The following CELA3A variants were observed in gnomAD, a reference collection of about 807,000 sequenced individuals.
CELA3A encodes the protein chymotrypsin-like elastase family member 3A.
In CELA3A, 35 loss-of-function variants were observed where a neutral mutation model predicts 38.6. The observed-to-expected ratio is 0.91, with a 90% CI of 0.69 to 1.20. The LOEUF (loss-of-function observed/expected upper bound fraction) is 1.20, where lower values mean the gene tolerates loss of function less well. Among genes scored for constraint, CELA3A ranks in the 50% most tolerant of loss-of-function variants. CELA3A has a pLI of 0.00. For missense variants in CELA3A, 343 were observed against 354.2 expected (o/e 0.97, Z 0.25); for synonymous variants, 143 against 136.7 (o/e 1.05, Z -0.32).
chr1:22,010,529 T>G (rs146105836), intron 7 of CELA3A: 1 of 207,390 alleles, frequency 4.8e-6, no homozygotes, highest in Admixed American at 5.6e-5. Context: ...AGGCAGAGAA[T>G]TGCTTGAACC....
intron 2 of CELA3A, among the ~76,000 whole-genome samples, chr1:22,004,686 T>C (rs1272555893): frequency 6.6e-6 from 1 of 151,772 alleles, no homozygotes; most frequent in African/African-American, 2.4e-5. Context: ...TTGCTAACCC[T>C]GGTCTAGATG....
At chr1:22,009,234 G>A (rs1644969328) in intron 6 of CELA3A, among the ~76,000 whole-genome samples, 1 of 151,352 alleles carries the variant, frequency 6.6e-6, no homozygotes, top group Non-Finnish European at 1.5e-5. Flanking sequence ...CGTGGTAGTG[G>A]GCACCTATAG....
At position 22,005,675 on chromosome 1, in the gene CELA3A, T is replaced by C; in HGVS notation, c.241T>C (p.Tyr81His). 1 of 1,612,404 alleles carries C rather than the reference T, an allele frequency of 6.2e-7. No homozygotes were observed. Among genetic ancestry groups the C allele is most frequent in the Non-Finnish European group, 8.5e-7 (1 of 1,179,436 alleles). Reference sequence around the variant, plus strand: ...CTCTGCCTGCAGGAGGGATCTGACCTACCAGGTGGTGTTGGGTGAGTACAA... The same window carrying C: ...CTCTGCCTGCAGGAGGGATCTGACCCACCAGGTGGTGTTGGGTGAGTACAA... ...AGHCISRDLT[Y>H]QVVLGEYNLA... Residue 81 changes from tyrosine (Y) to histidine (H), a missense_variant, in exon 4 of 8, where the codon TAC becomes CAC. By Grantham distance (83) the Tyr-to-His change is moderately conservative. Transcript: ENST00000290122.
rs1178635553 is a variant in CELA3A at position 22,005,689 on chromosome 1, G to A, written c.255G>A (p.Leu85=). 2 of 1,612,446 alleles carry A rather than the reference G, an allele frequency of 1.2e-6. No homozygotes were observed. The highest frequency in any genetic ancestry group is 1.1e-5 in the South Asian group (1 of 91,020). The part of the protein sequence containing the change: ...ISRDLTYQVV[L]GEYNLAVKEG... Reference sequence around the variant, plus strand: ...GGGATCTGACCTACCAGGTGGTGTTGGGTGAGTACAACCTTGCTGTGAAGG... The same window carrying A: ...GGGATCTGACCTACCAGGTGGTGTTAGGTGAGTACAACCTTGCTGTGAAGG... Residue 85 remains leucine, a synonymous_variant, in exon 4 of 8, where the codon TTG becomes TTA. Coordinates refer to ENST00000290122, the MANE Select transcript of CELA3A (RefSeq NM_005747.5).
Position 22,001,672 on chromosome 1 carries a change from C to G in CELA3A, c.-3C>G. The G allele has an allele frequency of 6.2e-7, 1 of 1,612,086 alleles. No individual in the cohort carries two copies. Among genetic ancestry groups the G allele is most frequent in the East Asian group, 2.2e-5 (1 of 44,662 alleles). ...GTGCCCTTTTCCTATCATCACAAAA[C>G]TCATGATGCTCCGGCTGCTCAGTTC... On this transcript the variant is annotated 5_prime_UTR_variant, in exon 1 of 8. Coordinates refer to ENST00000290122, the MANE Select transcript of CELA3A (RefSeq NM_005747.5).
chr1:22,004,770 G>A (rs4557934), intron 2 of CELA3A, among the ~76,000 whole-genome samples: 22,783 of 148,996 alleles, frequency 0.15, 76 homozygotes, highest in East Asian at 0.31. Flanking sequence ...CTGTGCTTCA[G>A]AAGGCTCAAG....
intron 6 of CELA3A, among the ~76,000 whole-genome samples, chr1:22,008,806 G>A (rs1255794744): frequency 6.6e-6 from 1 of 151,942 alleles, no homozygotes; most frequent in Non-Finnish European, 1.5e-5. Flanking sequence ...TTGTAATTGA[G>A]TATGAATTAA....
At chr1:22,005,637 C>A (rs60835234) in intron 3 of CELA3A, 25 bp from the exon 4 acceptor site, 38 of 1,612,150 alleles carry the variant, frequency 2.4e-5, no homozygotes, top group Admixed American at 6.7e-5. Flanking sequence ...AGTCAGGCCC[C>A]GACTGACCTC....
At chr1:22,012,368 TG>T in intron 7 of CELA3A, 81 bp from the exon 8 acceptor site, 1 of 1,339,138 alleles carries the variant, frequency 7.5e-7, no homozygotes, top group South Asian at 1.3e-5. Flanking sequence ...ACAGCAGGGC[TG>T]GAAGTTGAAC....
rs1367566376 is a variant in CELA3A, at chr1:22,007,419, G to C, written c.546G>C (p.Val182=). 6.2e-7 allele frequency: 1 copy of C among 1,612,514 alleles called. No individual in the cohort carries two copies. The highest frequency in any genetic ancestry group is 2.2e-5 in the East Asian group (1 of 44,710). ...AGCTGCAGCAGGCCCGGCTGCCCGTGGTGGACTATAAGCACTGCTCCAGGT... is the reference window on the plus strand; with the variant it reads ...AGCTGCAGCAGGCCCGGCTGCCCGTCGTGGACTATAAGCACTGCTCCAGGT... The part of the protein sequence containing the change: ...PDKLQQARLP[V]VDYKHCSRWN... Residue 182 remains valine (V), a synonymous_variant, in exon 6 of 8, where the codon GTG becomes GTC. Transcript: ENST00000290122.
chr1:22,005,367 T>C, intron 2 of CELA3A, 80 bp from the exon 3 acceptor site: 1 of 1,548,226 alleles, frequency 6.5e-7, no homozygotes, highest in Non-Finnish European at 8.9e-7. Flanking sequence ...AGTTGCACAG[T>C]GCACAACCTA....
rs753452267 is a variant in CELA3A at position 22,007,356 on chromosome 1, G to C, written c.500-17G>C. On this transcript the variant is annotated splice_polypyrimidine_tract_variant and intron_variant, in intron 5 of 7. Transcript: ENST00000290122. The stretch of plus-strand genomic sequence containing the variant: ...TGTGCCCCCAGACCCCTGACTCGGT[G>C]CTTTTTATCCTTGCAGCCAATGGGC... The C allele has an allele frequency of 6.2e-7, 1 of 1,602,870 alleles. No homozygotes were observed. Among genetic ancestry groups the C allele is most frequent in the Non-Finnish European group, 8.5e-7 (1 of 1,174,742 alleles).
At position 22,007,121 on chromosome 1, in the gene CELA3A, C is replaced by A. The variant is rs189387433; in HGVS notation, c.499+107C>A. ...AAGACCGGACCTTGTACTTTTCTCCCATTTCTCTCCAGCTGCAGCCTTCTT... is the reference window on the plus strand; with the variant it reads ...AAGACCGGACCTTGTACTTTTCTCCAATTTCTCTCCAGCTGCAGCCTTCTT... On this transcript the variant is annotated intron_variant, in intron 5 of 7. Transcript: ENST00000290122. 3.5e-5 allele frequency: 52 copies of A among 1,489,450 alleles called. 2 individuals carry two copies. The Admixed American group carries it at 7.2e-4, about 21-fold the overall frequency. 92.3% of individuals were successfully genotyped at this position (1,489,450 alleles called of 1,614,324 possible).
chr1:22,009,219 C>G (rs1644969157), intron 6 of CELA3A, among the ~76,000 whole-genome samples: 1 of 151,360 alleles, frequency 6.6e-6, no homozygotes, highest in Admixed American at 6.6e-5. Context: ...CAAAAATTAG[C>G]CGGGCGTGGT....
intron 7 of CELA3A, among the ~76,000 whole-genome samples, chr1:22,012,188 CATATACATATAT>C (rs1412918325): frequency 7.8e-6 from 1 of 128,252 alleles, no homozygotes; most frequent in African/African-American, 3.2e-5. Context: ...CACACACATG[CATATACATATAT>C]ATATACATAC....
At chr1:22,009,152 T>C (rs1644968829) in intron 6 of CELA3A, among the ~76,000 whole-genome samples, 2 of 151,030 alleles carry the variant, frequency 1.3e-5, no homozygotes, top group African/African-American at 4.9e-5. Flanking sequence ...GATCACGTGG[T>C]CAGGAGATCG....
At chr1:22,009,458 T>A (rs61778025) in intron 6 of CELA3A, among the ~76,000 whole-genome samples, 1,468 of 139,584 alleles carry the variant, frequency 0.011, 1 homozygote, top group Middle Eastern at 0.045. Flanking sequence ...AGCAGGAGAA[T>A]CACTTGAACC....
chr1:22,010,099 T>C, intron 7 of CELA3A: 1 of 546,374 alleles, frequency 1.8e-6, no homozygotes, highest in Non-Finnish European at 3.3e-6. Flanking sequence ...CAACAAGTAT[T>C]TATAAAGTAT....
intron 7 of CELA3A, 101 bp downstream of exon 7, chr1:22,009,958 T>G: frequency 6.7e-7 from 1 of 1,499,200 alleles, no homozygotes; most frequent in Non-Finnish European, 8.9e-7. Context: ...GAAAGGATCC[T>G]AGAAGCTCAG....
Sources: allele counts gnomAD v4.1 joint callset (sites outside exome capture counted in the v4.1 genomes callset), GRCh38; gene constraint gnomAD v4.1.1; transcripts MANE v1.5; gene names NCBI Gene and HGNC (gene_info 2026-07-23, HGNC 2026-07-21).